Variants in GNG12 observed in about 807,000 individuals in gnomAD.
GNG12 encodes the protein G protein subunit gamma 12.
For synonymous variants in GNG12, 28 were observed against 29.7 expected (o/e 0.94, Z 0.19); for missense variants, 69 against 83.8 (o/e 0.82, Z 0.69).
At chr1:67,758,509 T>C (rs1646583322) in intron 2 of GNG12, among the ~76,000 whole-genome samples, 1 of 152,148 alleles carries the variant, frequency 6.6e-6, no homozygotes, top group Non-Finnish European at 1.5e-5. Context: ...TGGCCTGGTG[T>C]CAGGATTGGG....
At chr1:67,776,827 G>T (rs996701073) in intron 2 of GNG12, among the ~76,000 whole-genome samples, 1 of 152,102 alleles carries the variant, frequency 6.6e-6, no homozygotes, top group Non-Finnish European at 1.5e-5. Context: ...ATTTTGGGGT[G>T]GTTTGTTATG....
chr1:67,716,769 T>C (rs756821144), intron 2 of GNG12, among the ~76,000 whole-genome samples: 3 of 152,190 alleles, frequency 2.0e-5, no homozygotes, highest in Non-Finnish European at 2.9e-5. Context: ...GTTATCCCCA[T>C]AGCAAATCAG....
chr1:67,767,766 T>C (rs530118563), intron 2 of GNG12, among the ~76,000 whole-genome samples: 4 of 152,334 alleles, frequency 2.6e-5, no homozygotes, highest in African/African-American at 9.6e-5. Flanking sequence ...CCTAAAAAAA[T>C]AGAAAGTTAA....
intron 1 of GNG12, among the ~76,000 whole-genome samples, chr1:67,825,197 A>T (rs1647004651): frequency 6.6e-6 from 1 of 152,268 alleles, no homozygotes. Context: ...GAAATTCTGT[A>T]AGAAATTCTT....
intron 1 of GNG12, among the ~76,000 whole-genome samples, chr1:67,831,908 T>A (rs982775872): frequency 2.6e-5 from 4 of 152,206 alleles, no homozygotes; most frequent in Non-Finnish European, 5.9e-5. Flanking sequence ...AGGGCCGCCA[T>A]CCTGCGATAA....
At chr1:67,730,131 A>G (rs1286278120) in intron 2 of GNG12, among the ~76,000 whole-genome samples, 1 of 152,268 alleles carries the variant, frequency 6.6e-6, no homozygotes, top group Non-Finnish European at 1.5e-5. Flanking sequence ...AATGGCAATG[A>G]ACAACCTTTA....
rs371809712 is a variant in GNG12 at position 67,786,925 on chromosome 1, TTA to T, written c.-76-9420_-76-9419del. Among the ~76,000 whole-genome samples the T allele has an allele frequency of 5.2e-3, 397 of 75,784 alleles. 4 individuals carry two copies. The highest frequency in any genetic ancestry group is 0.022 in the African/African-American group (366 of 16,694). 49.7% of individuals were successfully genotyped at this position (75,784 alleles called of 152,430 possible). ...GCACTCCAGCCTAGGTAACAGAGAC[TTA>T]TATATATATGTGTGTGTGTGTGTGT... On this transcript the variant is annotated intron_variant, in intron 1 of 3. Coordinates refer to ENST00000370982, the MANE Select transcript of GNG12 (RefSeq NM_018841.6).
chr1:67,754,302 T>C (rs1296517693), intron 2 of GNG12, among the ~76,000 whole-genome samples: 1 of 152,084 alleles, frequency 6.6e-6, no homozygotes, highest in African/African-American at 2.4e-5. Flanking sequence ...TCATCATTCC[T>C]GTCCCCACCA....
intron 1 of GNG12, among the ~76,000 whole-genome samples, chr1:67,829,989 T>C (rs1162005372): frequency 3.3e-5 from 5 of 149,698 alleles, no homozygotes; most frequent in African/African-American, 9.8e-5. Context: ...AGGGTTTGTT[T>C]TAAAGATGGA....
chr1:67,777,833 T>C (rs1024369818), intron 1 of GNG12, among the ~76,000 whole-genome samples: 4 of 152,168 alleles, frequency 2.6e-5, no homozygotes, highest in Non-Finnish European at 4.4e-5. Context: ...AATCTCTTTA[T>C]GCTAGGGCCC....
chr1:67,708,592 T>C (rs1343005215), intron 2 of GNG12, among the ~76,000 whole-genome samples: 1 of 152,230 alleles, frequency 6.6e-6, no homozygotes, highest in Non-Finnish European at 1.5e-5. Context: ...AGAAACATCC[T>C]GGCCCTTGCT....
intron 1 of GNG12, among the ~76,000 whole-genome samples, chr1:67,808,844 T>C (rs193105329): frequency 6.6e-6 from 1 of 152,284 alleles, no homozygotes; most frequent in African/African-American, 2.4e-5. Flanking sequence ...GAAAACACAA[T>C]ATTGTCAAGA....
intron 1 of GNG12, among the ~76,000 whole-genome samples, chr1:67,791,206 A>C (rs552325961): frequency 1.3e-5 from 2 of 152,228 alleles, no homozygotes; most frequent in South Asian, 4.1e-4. Context: ...GTTTTTCTTA[A>C]TCTTTTAAAA....
At chr1:67,829,767 T>C (rs929386974) in intron 1 of GNG12, among the ~76,000 whole-genome samples, 1 of 152,214 alleles carries the variant, frequency 6.6e-6, no homozygotes, top group African/African-American at 2.4e-5. Flanking sequence ...ATCAAATGCT[T>C]CAGTTGTTTC....
intron 1 of GNG12, among the ~76,000 whole-genome samples, chr1:67,823,844 A>T (rs951556639): frequency 6.6e-6 from 1 of 152,212 alleles, no homozygotes; most frequent in East Asian, 1.9e-4. Context: ...TTACATCTTT[A>T]TTCATCACAG....
chr1:67,801,120 C>T (rs1646862042), intron 1 of GNG12, among the ~76,000 whole-genome samples: 1 of 152,106 alleles, frequency 6.6e-6, no homozygotes, highest in South Asian at 2.1e-4. Flanking sequence ...GAAGCACAAC[C>T]TCAGTTGAGT....
At chr1:67,798,959 A>T (rs1388345606) in intron 1 of GNG12, among the ~76,000 whole-genome samples, 4 of 135,820 alleles carry the variant, frequency 2.9e-5, no homozygotes, top group South Asian at 2.5e-4. Context: ...TCACAAAAAA[A>T]ATATAAATAA....
At chr1:67,774,870 A>G (rs1646695214) in intron 2 of GNG12, among the ~76,000 whole-genome samples, 1 of 152,254 alleles carries the variant, frequency 6.6e-6, no homozygotes, top group Non-Finnish European at 1.5e-5. Context: ...GAAGTAATTC[A>G]CTAATGGTGG....
intron 2 of GNG12, among the ~76,000 whole-genome samples, chr1:67,761,384 C>G (rs990070876): frequency 2.0e-5 from 3 of 152,202 alleles, no homozygotes; most frequent in Non-Finnish European, 4.4e-5. Flanking sequence ...AGGCTTCCAA[C>G]CTCACTCAGC....
Sources: allele counts gnomAD v4.1 joint callset (sites outside exome capture counted in the v4.1 genomes callset), GRCh38; gene constraint gnomAD v4.1.1; transcripts MANE v1.5; gene names NCBI Gene and HGNC (gene_info 2026-07-23, HGNC 2026-07-21).